Variants in CTC1 observed in about 807,000 individuals in gnomAD.
CTC1 encodes CST complex subunit CTC1.
A neutral mutation model predicts 136.3 loss-of-function variants in CTC1; 91 were observed. The ratio of observed to expected loss-of-function variants is 0.67; its 90% CI spans 0.56 to 0.79. CTC1 has a LOEUF of 0.79. CTC1 is among the 30% of genes least tolerant of loss of function. The probability of loss-of-function intolerance (pLI) is 0.00; values close to 1 mark genes in which losing one functional copy is unlikely to be tolerated. For missense variants in CTC1, 1,432 were observed against 1,498.1 expected (o/e 0.96, Z 0.73); for synonymous variants, 606 against 613.8 (o/e 0.99, Z 0.19).
chr17:8,247,043 G>A (rs922852960), intron 1 of CTC1, among the ~76,000 whole-genome samples: 3 of 150,144 alleles, frequency 2.0e-5, no homozygotes, highest in Non-Finnish European at 3.0e-5. Context: ...GTCCAGGCTA[G>A]AGTGCAGTGG....
chr17:8,238,269 A>G, intron 3 of CTC1, 27 bp from the exon 4 acceptor site: 1 of 1,581,976 alleles, frequency 6.3e-7, no homozygotes, highest in South Asian at 1.2e-5. Context: ...GCAAGGGTTA[A>G]TCAGAACCTT....
At chr17:8,245,471 TCA>T (rs1305024198) in intron 1 of CTC1, among the ~76,000 whole-genome samples, 1 of 152,038 alleles carries the variant, frequency 6.6e-6, no homozygotes, top group Non-Finnish European at 1.5e-5. Context: ...GTTCCGACTC[TCA>T]CGCTTTTTGT....
At chr17:8,244,594 C>T (rs530334587) in intron 1 of CTC1, among the ~76,000 whole-genome samples, 1 of 151,858 alleles carries the variant, frequency 6.6e-6, no homozygotes, top group Non-Finnish European at 1.5e-5. Flanking sequence ...GGCGCAATCT[C>T]GGCTCACCGC....
chr17:8,246,206 CAAAAAAAAAAAAA>C (rs57484918), intron 1 of CTC1, among the ~76,000 whole-genome samples: 1 of 87,326 alleles, frequency 1.1e-5, no homozygotes, highest in African/African-American at 4.6e-5. Flanking sequence ...GACCTTGTTT[CAAAAAAAAAAAAA>C]AAAAAAAAAA....
At chr17:8,235,792 CAG>C in intron 7 of CTC1, 37 bp downstream of exon 7, 1 of 1,553,228 alleles carries the variant, frequency 6.4e-7, no homozygotes, top group Non-Finnish European at 8.7e-7. Context: ...AGAGAAGCTG[CAG>C]AGGTCTCTTT....
At chr17:8,247,841 G>A (rs1051163251) in intron 1 of CTC1, 163 bp downstream of exon 1, 3 of 669,974 alleles carry the variant, frequency 4.5e-6, no homozygotes, top group Admixed American at 5.2e-5. Flanking sequence ...ATAAACATTC[G>A]CAGAACCAGT....
rs750030684 is a variant in CTC1 at position 8,226,970 on chromosome 17, A to C, written c.*1210T>G. ...AGCAGAGGGTCAGAAAACAAAACACACACAAAAAAAAGCCACCCACTGGCC... is the reference window on the plus strand; with the variant it reads ...AGCAGAGGGTCAGAAAACAAAACACCCACAAAAAAAAGCCACCCACTGGCC... On this transcript the variant is annotated 3_prime_UTR_variant, in exon 23 of 23. Transcript: ENST00000651323. The C allele has an allele frequency of 6.6e-6, 1 of 152,228 alleles. No homozygotes were observed. Among genetic ancestry groups the C allele is most frequent in the Non-Finnish European group, 1.5e-5 (1 of 68,002 alleles). 9.4% of individuals were successfully genotyped at this position (152,228 alleles called of 1,614,324 possible). A position where few individuals can be genotyped will look rare whatever the true frequency, so the allele number is the denominator to read the frequency against.
chr17:8,238,545 G>C lies in CTC1; in HGVS notation c.282C>G (p.Ala94=). 6.2e-7 allele frequency: 1 copy of C among 1,614,186 alleles called. No homozygotes were observed. The highest frequency in any genetic ancestry group is 8.5e-7 in the Non-Finnish European group (1 of 1,180,018). Reference sequence around the variant, plus strand: ...CATTTGGTCCAGCCTCTTGGGCCCAGGCCTGGTATGCACTACTGCTCCACG... The same window carrying C: ...CATTTGGTCCAGCCTCTTGGGCCCACGCCTGGTATGCACTACTGCTCCACG... ...HLSWSSSAYQ[A]WAQEAGPNGN... Residue 94 remains alanine, a synonymous_variant, in exon 3 of 23, where the codon GCC becomes GCG. Transcript: ENST00000651323.
Position 8,233,192 on chromosome 17 carries a change from T to TA in CTC1, c.1819-161dup, listed in dbSNP as rs1324506871. 5.1e-5 allele frequency: 37 copies of TA among 719,826 alleles called. No homozygotes were observed. The Admixed American group carries it at 6.0e-4, about 12-fold the overall frequency. The allele number at this position is 719,826 out of a possible 1,614,324, so 44.6% of individuals were successfully genotyped here. ...TATATTCAAGTGGGGAAGACAGACA[T>TA]AAAAAAACACACACGCATTCACACA... On this transcript the variant is annotated intron_variant, in intron 10 of 22. Coordinates refer to ENST00000651323, the MANE Select transcript of CTC1 (RefSeq NM_025099.6).
chr17:8,232,549 C>T (rs1597379356), intron 11 of CTC1, 74 bp from the exon 12 acceptor site: 6 of 1,219,704 alleles, frequency 4.9e-6, no homozygotes, highest in East Asian at 2.3e-5. Context: ...ACCATCCTAC[C>T]GGCCTCACTA....
Position 8,232,385 on chromosome 17 carries a change from C to G in CTC1, c.2036G>C (p.Gly679Ala), listed in dbSNP as rs201006130. The G allele has an allele frequency of 6.2e-6, 10 of 1,613,970 alleles. No individual in the cohort carries two copies. Among genetic ancestry groups the G allele is most frequent in the African/African-American group, 5.3e-5 (4 of 74,934 alleles). ...FPSWKELSMP[G>A]FIQKQQARVY... ...CCTGGCCTGCTGCTTCTGGATGAAGCCTGGCATGCTCAGCTCCTTCCAGGA... is the reference window on the plus strand; with the variant it reads ...CCTGGCCTGCTGCTTCTGGATGAAGGCTGGCATGCTCAGCTCCTTCCAGGA... Residue 679 changes from glycine (G) to alanine (A), a missense_variant, in exon 12 of 23, where the codon GGC (glycine) becomes GCC (alanine). Gly to Ala is a moderately conservative substitution (Grantham distance 60). Transcript: ENST00000651323.
chr17:8,230,521 T>A (rs1293540805), intron 16 of CTC1, 42 bp downstream of exon 16: 5 of 1,613,668 alleles, frequency 3.1e-6, no homozygotes, highest in Non-Finnish European at 4.2e-6. Flanking sequence ...CAAAGTCCCA[T>A]CACTCTATTT....
Position 8,243,093 on chromosome 17 carries a change from G to T in CTC1, c.89C>A (p.Ala30Asp), listed in dbSNP as rs762466130. Residue 30 changes from alanine (A) to aspartate (D), a missense_variant, in exon 2 of 23, where the codon GCT (alanine) becomes GAT (aspartate). Transcript: ENST00000651323. ...CAACTGGACATTAGGCTCCTTGACA[G>T]CTGGACACAGGGTCTTTTGGATGAA... is the stretch of plus-strand genomic sequence containing the variant. ...QVFIQKTLCPAVKEPNVQLTP... is the reference protein window; with the variant it reads ...QVFIQKTLCPDVKEPNVQLTP... 6.2e-7 allele frequency: 1 copy of T among 1,614,056 alleles called. No individual in the cohort carries two copies. The highest frequency in any genetic ancestry group is 1.7e-5 in the Admixed American group (1 of 60,016).
At chr17:8,240,359 C>T (rs12941182) in intron 2 of CTC1, among the ~76,000 whole-genome samples, 60 of 150,960 alleles carry the variant, frequency 4.0e-4, no homozygotes, top group African/African-American at 1.4e-3. Flanking sequence ...TTTCACCATG[C>T]TGGCCAGGCT....
At chr17:8,244,794 C>T (rs112422013) in intron 1 of CTC1, among the ~76,000 whole-genome samples, 2,977 of 152,178 alleles carry the variant, frequency 0.02, 105 homozygotes, top group African/African-American at 0.068. Flanking sequence ...CCCAAAGTGC[C>T]AGGATTACAC....
intron 4 of CTC1, 57 bp downstream of exon 4, chr17:8,237,974 C>T (rs1987888500): frequency 7.1e-7 from 1 of 1,405,328 alleles, no homozygotes; most frequent in Non-Finnish European, 1.0e-6. Flanking sequence ...CCTCCACTGA[C>T]CCAGCATCAT....
chr17:8,227,270 T>G lies in CTC1; in HGVS notation c.*910A>C, dbSNP rs1986806875. Reference sequence around the variant, plus strand: ...CACCTCTCCATCTATCAGTCCCCAGTAAAGAAATGCAGCAACACCAGCCAA... The same window carrying G: ...CACCTCTCCATCTATCAGTCCCCAGGAAAGAAATGCAGCAACACCAGCCAA... On this transcript the variant is annotated 3_prime_UTR_variant, in exon 23 of 23. Transcript: ENST00000651323. 6.6e-6 allele frequency: 1 copy of G among 151,144 alleles called. No individual in the cohort carries two copies. Among genetic ancestry groups the G allele is most frequent in the Admixed American group, 6.6e-5 (1 of 15,244 alleles). The allele number at this position is 151,144 out of a possible 1,614,324, so 9.4% of individuals were successfully genotyped here.
chr17:8,235,308 A>C (rs747536506), intron 7 of CTC1, 23 bp from the exon 8 acceptor site: 8 of 1,584,558 alleles, frequency 5.0e-6, no homozygotes, highest in Non-Finnish European at 6.1e-6. Context: ...AGAGAAAATG[A>C]AAAAGCAGAG....
chr17:8,227,900 T>C lies in CTC1; in HGVS notation c.*280A>G. ...CGAGCAAGTCTTTTGTTCCCTCAGC[T>C]CCTGCGACAAAGTCAGAACCCAGGT... On this transcript the variant is annotated 3_prime_UTR_variant, in exon 23 of 23. Transcript: ENST00000651323. The C allele has an allele frequency of 2.9e-6, 1 of 346,616 alleles. No homozygotes were observed. The highest frequency in any genetic ancestry group is 5.4e-6 in the Non-Finnish European group (1 of 185,144). The allele number at this position is 346,616 out of a possible 1,614,324, so 21.5% of individuals were successfully genotyped here.
Sources: gnomAD v4.1 joint callset for allele counts (sites outside exome capture counted in the v4.1 genomes callset) on GRCh38, gnomAD v4.1.1 for gene constraint, MANE v1.5 for transcripts, NCBI Gene and HGNC (gene_info 2026-07-23, HGNC 2026-07-21) for gene names.